LRRIQ1: variants seen among roughly 807,000 people sequenced by gnomAD.
LRRIQ1 encodes leucine rich repeats and IQ motif containing 1.
In LRRIQ1, 210 loss-of-function variants were observed where a neutral mutation model predicts 211.9. The ratio of observed to expected loss-of-function variants is 0.99; its 90% CI spans 0.89 to 1.11. LRRIQ1 has a LOEUF of 1.11. Among genes scored for constraint, LRRIQ1 ranks in the 50% most tolerant of loss-of-function variants. LRRIQ1 has a pLI of 0.00. For synonymous variants in LRRIQ1, 699 were observed against 650.1 expected (o/e 1.08, Z -1.14); for missense variants, 2,136 against 1,939.5 (o/e 1.10, Z -1.90).
At chr12:85,171,927 G>A (rs1360341621) in intron 24 of LRRIQ1, among the ~76,000 whole-genome samples, 4 of 152,190 alleles carry the variant, frequency 2.6e-5, no homozygotes, top group Non-Finnish European at 5.9e-5. Flanking sequence ...ATCCCAGTCT[G>A]TAGTATTTTG....
At chr12:85,230,369 C>T (rs138420358) in intron 25 of LRRIQ1, among the ~76,000 whole-genome samples, 72 of 152,330 alleles carry the variant, frequency 4.7e-4, no homozygotes, top group Non-Finnish European at 9.3e-4. Context: ...TGGAGACCTT[C>T]TCCTTTGTTT....
At chr12:85,120,939 T>G (rs1373629098) in intron 15 of LRRIQ1, among the ~76,000 whole-genome samples, 1 of 151,518 alleles carries the variant, frequency 6.6e-6, no homozygotes, top group Non-Finnish European at 1.5e-5. Context: ...TGTTTTTTTG[T>G]TTGTTTGTTT....
intron 24 of LRRIQ1, among the ~76,000 whole-genome samples, chr12:85,181,024 G>T (rs187545215): frequency 7.3e-6 from 1 of 136,372 alleles, no homozygotes; most frequent in African/African-American, 2.9e-5. Flanking sequence ...TTGATAAGCA[G>T]GTTTAATCCA....
intron 17 of LRRIQ1, among the ~76,000 whole-genome samples, chr12:85,125,587 A>G (rs1888320907): frequency 6.6e-6 from 1 of 152,148 alleles, no homozygotes; most frequent in Non-Finnish European, 1.5e-5. Flanking sequence ...TGCTTTTCCC[A>G]GTCTTCCTTT....
chr12:85,212,105 A>G (rs557196704), intron 24 of LRRIQ1, among the ~76,000 whole-genome samples: 1 of 152,158 alleles, frequency 6.6e-6, no homozygotes, highest in East Asian at 1.9e-4. Flanking sequence ...CGTCTCTACT[A>G]AAACTACAAC....
intron 1 of LRRIQ1, among the ~76,000 whole-genome samples, chr12:85,255,215 A>G (rs191311123): frequency 6.6e-6 from 1 of 151,990 alleles, no homozygotes; most frequent in African/African-American, 2.4e-5. Flanking sequence ...TGTAATTATT[A>G]AATGCAAAAT....
intron 26 of LRRIQ1, among the ~76,000 whole-genome samples, chr12:85,243,443 G>A (rs1202948209): frequency 6.7e-6 from 1 of 149,400 alleles, no homozygotes; most frequent in Non-Finnish European, 1.5e-5. Context: ...GTTTTCTACC[G>A]AGGTTTTTTG....
At chr12:85,075,911 A>G (rs1883596482) in intron 11 of LRRIQ1, among the ~76,000 whole-genome samples, 1 of 152,116 alleles carries the variant, frequency 6.6e-6, no homozygotes, top group African/African-American at 2.4e-5. Context: ...ACAAAGAAGT[A>G]AAGTAGATTA....
intron 12 of LRRIQ1, 89 bp downstream of exon 12, chr12:85,098,637 AT>A: frequency 9.1e-7 from 1 of 1,101,416 alleles, no homozygotes; most frequent in African/African-American, 1.6e-5. Flanking sequence ...GCAATTTTGA[AT>A]AATTATTTTG....
chr12:85,065,434 G>T lies in LRRIQ1; in HGVS notation c.2544+20G>T. On this transcript the variant is annotated intron_variant, in intron 9 of 26. Coordinates refer to ENST00000393217, the MANE Select transcript of LRRIQ1 (RefSeq NM_001079910.2). ...GCACAGGTATGCTCTCTGCCCTACT[G>T]TTATTTATTTTATAATAAAATATAA... The T allele has an allele frequency of 6.6e-7, 1 of 1,522,442 alleles. No homozygotes were observed. Among genetic ancestry groups the T allele is most frequent in the Admixed American group, 2.2e-5 (1 of 46,160 alleles). 94.3% of individuals were successfully genotyped at this position (1,522,442 alleles called of 1,614,324 possible).
At chr12:85,050,641 G>T (rs983326312) in intron 6 of LRRIQ1, among the ~76,000 whole-genome samples, 1 of 152,044 alleles carries the variant, frequency 6.6e-6, no homozygotes, top group African/African-American at 2.4e-5. Context: ...CAGCTCCTTT[G>T]TAGTTCAAGC....
At chr12:85,201,197 C>T (rs149396506) in intron 24 of LRRIQ1, among the ~76,000 whole-genome samples, 2 of 149,206 alleles carry the variant, frequency 1.3e-5, no homozygotes, top group East Asian at 3.9e-4. Flanking sequence ...ATTTTTGTAT[C>T]GATGTTCATC....
intron 24 of LRRIQ1, among the ~76,000 whole-genome samples, chr12:85,192,190 G>C (rs1172358717): frequency 6.6e-6 from 1 of 150,680 alleles, no homozygotes; most frequent in African/African-American, 2.4e-5. Flanking sequence ...CCTGATGTCT[G>C]CTATTCTCTT....
chr12:85,242,463 A>T (rs565850240), intron 26 of LRRIQ1, among the ~76,000 whole-genome samples: 1 of 152,128 alleles, frequency 6.6e-6, no homozygotes, highest in Non-Finnish European at 1.5e-5. Context: ...CATAGGTTAT[A>T]TGCAAATAAT....
chr12:85,173,992 T>C (rs894684426), intron 24 of LRRIQ1, among the ~76,000 whole-genome samples: 2 of 152,222 alleles, frequency 1.3e-5, no homozygotes, highest in Non-Finnish European at 1.5e-5. Context: ...GGTAAAACTC[T>C]CAGACAGTAG....
chr12:85,039,644 T>C (rs1592679997), intron 2 of LRRIQ1, among the ~76,000 whole-genome samples: 1 of 151,820 alleles, frequency 6.6e-6, no homozygotes, highest in East Asian at 1.9e-4. Flanking sequence ...AAGCTGGCTG[T>C]AAATCCTAAA....
intron 8 of LRRIQ1, among the ~76,000 whole-genome samples, chr12:85,064,927 C>T (rs1253132941): frequency 5.3e-5 from 8 of 151,646 alleles, no homozygotes; most frequent in African/African-American, 1.7e-4. Flanking sequence ...TTGATTACTA[C>T]AGCTGTGTAG....
chr12:85,261,752 A>AT (rs1235735016), intron 1 of LRRIQ1, among the ~76,000 whole-genome samples: 7 of 144,626 alleles, frequency 4.8e-5, no homozygotes, highest in African/African-American at 1.5e-4. Flanking sequence ...CATAATTTTT[A>AT]TTTTTTTGTT....
At chr12:85,186,952 C>A (rs1439607340) in intron 24 of LRRIQ1, among the ~76,000 whole-genome samples, 1 of 152,030 alleles carries the variant, frequency 6.6e-6, no homozygotes. Flanking sequence ...ATTGCAGCTT[C>A]AGCACTGTCA....
Sources: allele counts gnomAD v4.1 joint callset (sites outside exome capture counted in the v4.1 genomes callset), GRCh38; gene constraint gnomAD v4.1.1; transcripts MANE v1.5; gene names NCBI Gene and HGNC (gene_info 2026-07-23, HGNC 2026-07-21).